The following ZNF143 variants were observed in gnomAD, a reference collection of about 807,000 sequenced individuals.
The protein encoded by ZNF143 is SPH-binding factor.
ZNF143 carries 49 observed loss-of-function variants against 74.1 expected under a neutral mutation model. The ratio of observed to expected loss-of-function variants is 0.66; its 90% confidence interval spans 0.53 to 0.84. ZNF143 has a LOEUF of 0.84. Ranked by LOEUF, ZNF143 falls within the 40% of genes least tolerant of loss-of-function variation. The pLI is 0.00. For synonymous variants in ZNF143, 304 were observed against 282.8 expected, an observed-to-expected ratio of 1.07 and a Z score of -0.75; for missense variants, 637 against 793.4, an observed-to-expected ratio of 0.80 and a Z score of 2.37.
intron 9 of ZNF143, among the ~76,000 whole-genome samples, chr11:9,496,584 GTTTTCTTTTTCT>G (rs138004691): frequency 0.033 from 4,986 of 151,292 alleles, 278 homozygotes; most frequent in African/African-American, 0.11. Context: ...TGCCTGCTGT[GTTTTCTTTTTCT>G]TTTTCTTTTT....
intron 6 of ZNF143, among the ~76,000 whole-genome samples, chr11:9,478,919 T>TC (rs1476900019): frequency 1.2e-4 from 19 of 152,158 alleles, no homozygotes; most frequent in Admixed American, 9.8e-4. Context: ...TAAAGACTTA[T>TC]AGAAGAGAAA....
rs1205396682 is a variant in ZNF143, at chr11:9,516,300, A to G, written c.1624A>G (p.Ile542Val). 6.2e-7 allele frequency: 1 copy of G among 1,614,130 alleles called. No individual in the cohort carries two copies. The highest frequency in any genetic ancestry group is 8.5e-7 in the Non-Finnish European group (1 of 1,179,982). ...PITVPAHDAV[I>V]SSAGTHSVAM... is the part of the protein sequence containing the mutation. ...CACAGTCCCCGCCCATGATGCAGTC[A>G]TCTCCTCAGCAGGAACGCACTCTGT... Residue 542 changes from isoleucine to valine, a missense_variant, in exon 14 of 16, where the codon ATC becomes GTC. Ile to Val is a conservative substitution (Grantham distance 29). Transcript: ENST00000396602.
chr11:9,501,764 G>T (rs1848167537), intron 11 of ZNF143, among the ~76,000 whole-genome samples: 1 of 151,964 alleles, frequency 6.6e-6, no homozygotes, highest in Admixed American at 6.6e-5. Context: ...ATACTCAGTG[G>T]TTCCATATGA....
At chr11:9,474,077 T>A in intron 4 of ZNF143, 53 bp downstream of exon 4, 2 of 1,423,224 alleles carry the variant, frequency 1.4e-6, no homozygotes, top group Non-Finnish European at 2.0e-6. Flanking sequence ...CAGCTTTTAG[T>A]ATTTGCTACC....
At chr11:9,526,171 A>G (rs1283132055) in intron 15 of ZNF143, among the ~76,000 whole-genome samples, 3 of 152,032 alleles carry the variant, frequency 2.0e-5, no homozygotes, top group Admixed American at 1.3e-4. Context: ...CCCAGGCAAC[A>G]TGACGAAACC....
intron 11 of ZNF143, among the ~76,000 whole-genome samples, chr11:9,502,289 A>G (rs1419577879): frequency 8.1e-6 from 1 of 123,418 alleles, no homozygotes; most frequent in Non-Finnish European, 1.6e-5. Context: ...ATTGAAATAT[A>G]ATTCACATAC....
At chr11:9,512,346 G>A (rs1848579223) in intron 12 of ZNF143, 102 bp from the exon 13 acceptor site, 11 of 1,430,616 alleles carry the variant, frequency 7.7e-6, no homozygotes, top group Non-Finnish European at 9.5e-6. Context: ...TATAATACAT[G>A]TACATTTTAA....
chr11:9,467,306 G>T (rs1377347445), intron 1 of ZNF143, among the ~76,000 whole-genome samples: 1 of 151,048 alleles, frequency 6.6e-6, no homozygotes, highest in African/African-American at 2.4e-5. Flanking sequence ...CACCATCTTG[G>T]CTCACTGCTG....
chr11:9,486,794 G>C (rs1378161516), intron 7 of ZNF143, among the ~76,000 whole-genome samples: 5 of 148,520 alleles, frequency 3.4e-5, no homozygotes, highest in South Asian at 4.2e-4. Flanking sequence ...TCAGCCTCCC[G>C]AGTAGCTGGG....
chr11:9,500,519 C>T (rs145537340), intron 10 of ZNF143, among the ~76,000 whole-genome samples: 2 of 151,830 alleles, frequency 1.3e-5, no homozygotes, highest in East Asian at 3.9e-4. Flanking sequence ...CTGCAACCTC[C>T]GCCTCTTGAG....
rs558974822 is a variant in ZNF143, at chr11:9,519,298, C to T, written c.1686+2936C>T. The stretch of plus-strand genomic sequence containing the variant: ...ACGTTCTCAGCTCACTGCAACCTCC[C>T]GCGCCTGGCTAATTTTTTTGTATTT... On this transcript the variant is annotated intron_variant, in intron 14 of 15. Coordinates refer to ENST00000396602, the MANE Select transcript of ZNF143 (RefSeq NM_003442.6). Among the ~76,000 whole-genome samples the T allele has an allele frequency of 9.2e-5, 14 of 151,950 alleles. No individual in the cohort carries two copies. In the East Asian group the frequency reaches 1.9e-3, roughly 21 times the overall value.
intron 13 of ZNF143, among the ~76,000 whole-genome samples, chr11:9,513,232 T>C (rs1356746769): frequency 6.6e-6 from 1 of 152,228 alleles, no homozygotes; most frequent in Non-Finnish European, 1.5e-5. Flanking sequence ...CCCTTCTGTG[T>C]CTTCCTCTTT....
intron 3 of ZNF143, 50 bp from the exon 4 acceptor site, chr11:9,473,891 T>C: frequency 1.9e-6 from 3 of 1,613,362 alleles, no homozygotes; most frequent in Non-Finnish European, 2.5e-6. Flanking sequence ...TTGTATAAAG[T>C]TTAAAATTTT....
chr11:9,495,322 TC>T (rs1289006293), intron 8 of ZNF143, among the ~76,000 whole-genome samples: 1 of 152,102 alleles, frequency 6.6e-6, no homozygotes, highest in African/African-American at 2.4e-5. Context: ...GTGCCTGTAA[TC>T]CCAGCTACTC....
chr11:9,477,575 A>G (rs1857012551), intron 5 of ZNF143, among the ~76,000 whole-genome samples: 1 of 152,052 alleles, frequency 6.6e-6, no homozygotes, highest in Non-Finnish European at 1.5e-5. Flanking sequence ...CTTTATCAAT[A>G]AGAGTTAGTC....
In ZNF143 at chr11:9,525,299, C is replaced by T. The variant is rs1362253009; in HGVS notation, c.1746C>T (p.His582=). ...AFHTASSEMG[H]QQHSHHLVTT... ...ATACTGCCTCATCAGAAATGGGGCA[C>T]CAGCAGCATAGCCATCACTTAGTAA... Residue 582 remains histidine, a synonymous_variant, in exon 15 of 16, where the codon CAC becomes CAT. Transcript: ENST00000396602. 1 of 1,614,068 alleles carries T rather than the reference C, an allele frequency of 6.2e-7. No individual in the cohort carries two copies. Among genetic ancestry groups the T allele is most frequent in the African/African-American group, 1.3e-5 (1 of 74,920 alleles).
intron 11 of ZNF143, among the ~76,000 whole-genome samples, chr11:9,501,685 A>G (rs1162353760): frequency 1.3e-5 from 2 of 152,160 alleles, no homozygotes; most frequent in African/African-American, 2.4e-5. Context: ...AGTTTGCCAC[A>G]TAAGAGAGAA....
At chr11:9,473,899 TTTTG>T in intron 3 of ZNF143, 38 bp from the exon 4 acceptor site, 1 of 1,613,362 alleles carries the variant, frequency 6.2e-7, no homozygotes, top group South Asian at 1.1e-5. Context: ...AGTTTAAAAT[TTTTG>T]TTTGTGCCAA....
In ZNF143 at chr11:9,506,210, TA is replaced by T. The variant is rs550536675; in HGVS notation, c.1148-2407del. Among the ~76,000 whole-genome samples the T allele has an allele frequency of 1.2e-4, 18 of 152,146 alleles. No individual in the cohort carries two copies. In the South Asian group the frequency reaches 2.1e-3, roughly 18 times the overall value. ...AGCTGGGTGTGGTGGCAGCTGCCTG[TA>T]ATCCCAGCTACTCAGGAGGCTGAGG... is the stretch of plus-strand genomic sequence containing the variant. On this transcript the variant is annotated intron_variant, in intron 11 of 15. Transcript: ENST00000396602.
Sources: gnomAD v4.1 joint callset for allele counts (sites outside exome capture counted in the v4.1 genomes callset) on GRCh38, gnomAD v4.1.1 for gene constraint, MANE v1.5 for transcripts, NCBI Gene and HGNC (gene_info 2026-07-23, HGNC 2026-07-21) for gene names.